IKZF3: variants seen among roughly 807,000 people sequenced by gnomAD.
IKZF3 encodes the protein IKAROS family zinc finger 3.
A neutral mutation model predicts 49.0 loss-of-function variants in IKZF3; 10 were observed. The ratio of observed to expected loss-of-function variants is 0.20; its 90% CI spans 0.13 to 0.35. The LOEUF is 0.35. Ranked by LOEUF, IKZF3 falls within the 10% of genes least tolerant of loss-of-function variation. The pLI, the probability that IKZF3 is intolerant of heterozygous loss-of-function variation, is 1.00. For synonymous variants in IKZF3, 209 were observed against 228.2 expected (o/e 0.92, Z 0.76); for missense variants, 498 against 664.8 (o/e 0.75, Z 2.76).
At chr17:39,839,100 G>A (rs2062389629) in intron 1 of IKZF3, among the ~76,000 whole-genome samples, 1 of 151,622 alleles carries the variant, frequency 6.6e-6, no homozygotes, top group African/African-American at 2.4e-5. Flanking sequence ...CAAAGAGCTG[G>A]GATTATAGGC....
rs2060167133 is a variant in IKZF3, at chr17:39,760,859, CTG to C, written c.*4929_*4930del. ...AAACATTTCTGTTTGCCAAAGAAAT[CTG>C]AGGTTGTGGCTGGGCGCAGTGGCTC... is the stretch of plus-strand genomic sequence containing the variant. On this transcript the variant is annotated 3_prime_UTR_variant, in exon 8 of 8. Coordinates refer to ENST00000346872, the MANE Select transcript of IKZF3 (RefSeq NM_012481.5). The C allele has an allele frequency of 6.6e-6, 1 of 152,220 alleles. No individual in the cohort carries two copies. The highest frequency in any genetic ancestry group is 1.5e-5 in the Non-Finnish European group (1 of 68,044). The allele number at this position is 152,220 out of a possible 1,614,324, so 9.4% of individuals were successfully genotyped here. A position where few individuals can be genotyped will look rare whatever the true frequency, so the allele number is the denominator to read the frequency against.
chr17:39,852,895 C>G (rs2062921307), intron 1 of IKZF3, among the ~76,000 whole-genome samples: 1 of 152,034 alleles, frequency 6.6e-6, no homozygotes, highest in Non-Finnish European at 1.5e-5. Context: ...CGCTTGAACC[C>G]CAGAGGCAGA....
chr17:39,857,861 T>C (rs1281522944), intron 1 of IKZF3, among the ~76,000 whole-genome samples: 1 of 151,708 alleles, frequency 6.6e-6, no homozygotes, highest in African/African-American at 2.4e-5. Context: ...TGGTGGCACA[T>C]GCCTCTAGTC....
In IKZF3 at chr17:39,766,001, T is replaced by C. The variant is rs2060279101; in HGVS notation, c.1319A>G (p.Lys440Arg). ...PPPICPRDSVKVINKEGEVMD... is the reference protein window; with the variant it reads ...PPPICPRDSVRVINKEGEVMD... ...CACCTCCCCTTCCTTGTTGATCACTTTGACGGAGTCTCTTGGGCAGATGGG... is the reference window on the plus strand; with the variant it reads ...CACCTCCCCTTCCTTGTTGATCACTCTGACGGAGTCTCTTGGGCAGATGGG... Residue 440 changes from lysine (K) to arginine (R), a missense_variant, in exon 8 of 8, where the codon AAA becomes AGA. This residue lies in a region of IKZF3 where 317 missense variants were observed against 397.3 expected (regional missense o/e 0.80). Coordinates refer to ENST00000346872, the MANE Select transcript of IKZF3 (RefSeq NM_012481.5). The C allele has an allele frequency of 1.2e-6, 2 of 1,614,122 alleles. No individual in the cohort carries two copies. The highest frequency in any genetic ancestry group is 2.7e-5 in the African/African-American group (2 of 74,944).
chr17:39,772,848 C>G (rs140760122), intron 7 of IKZF3, among the ~76,000 whole-genome samples: 168 of 152,184 alleles, frequency 1.1e-3, no homozygotes, highest in African/African-American at 3.9e-3. Flanking sequence ...GTTTTTGAAA[C>G]AGAGTCTTGC....
rs577269837 is a variant in IKZF3 at position 39,863,105 on chromosome 17, T to C, written c.7+1015A>G. Among the ~76,000 whole-genome samples, 8 of 152,304 alleles carry C rather than the reference T, an allele frequency of 5.3e-5. 1 individual carries two copies. In the South Asian group the frequency reaches 1.7e-3, roughly 32 times the overall value. ...CAACAGCCCAACTTTTTTTCCTTGT[T>C]ATTGGCCAATAAAACCTTTGTTAAA... is the stretch of plus-strand genomic sequence containing the variant. On this transcript the variant is annotated intron_variant, in intron 1 of 7. Coordinates refer to ENST00000346872, the MANE Select transcript of IKZF3 (RefSeq NM_012481.5).
intron 3 of IKZF3, among the ~76,000 whole-genome samples, chr17:39,806,240 T>C (rs77226138): frequency 7.2e-5 from 11 of 152,308 alleles, no homozygotes; most frequent in African/African-American, 2.4e-4. Flanking sequence ...AGGCGTAGCA[T>C]AGTAGCTGGC....
At chr17:39,819,603 G>C (rs112743130) in intron 3 of IKZF3, among the ~76,000 whole-genome samples, 3,644 of 152,246 alleles carry the variant, frequency 0.024, 61 homozygotes, top group Non-Finnish European at 0.037. Flanking sequence ...AATCTCAGAA[G>C]TTTTAGACAA....
At chr17:39,831,371 T>C (rs2062104256) in intron 2 of IKZF3, among the ~76,000 whole-genome samples, 1 of 150,372 alleles carries the variant, frequency 6.7e-6, no homozygotes, top group South Asian at 2.1e-4. Flanking sequence ...CGAAATTCCG[T>C]CTCAAAAAAA....
At chr17:39,863,748 A>G (rs2144621303) in intron 1 of IKZF3, among the ~76,000 whole-genome samples, 1 of 152,190 alleles carries the variant, frequency 6.6e-6, no homozygotes, top group African/African-American at 2.4e-5. Flanking sequence ...GATTAGTCTA[A>G]TTCCAATAAA....
At chr17:39,777,790 G>C (rs199922120) in intron 6 of IKZF3, 23 bp from the exon 7 acceptor site, 301 of 1,603,308 alleles carry the variant, frequency 1.9e-4, no homozygotes, top group Non-Finnish European at 2.3e-4. Flanking sequence ...AATGTAAAAA[G>C]AAGAGAGAAA....
intron 3 of IKZF3, among the ~76,000 whole-genome samples, chr17:39,815,557 C>T (rs769932021): frequency 2.6e-5 from 4 of 152,184 alleles, no homozygotes; most frequent in Non-Finnish European, 4.4e-5. Context: ...ATTGTTTTAA[C>T]TCTTGCTTTT....
intron 6 of IKZF3, among the ~76,000 whole-genome samples, chr17:39,787,462 C>A (rs1231401119): frequency 6.6e-6 from 1 of 152,156 alleles, no homozygotes; most frequent in African/African-American, 2.4e-5. Flanking sequence ...AAAGAAAATC[C>A]TTGTAGTTTT....
intron 3 of IKZF3, among the ~76,000 whole-genome samples, chr17:39,807,472 C>A (rs1327212046): frequency 1.3e-5 from 2 of 148,530 alleles, no homozygotes; most frequent in Non-Finnish European, 3.0e-5. Flanking sequence ...TCATGGCTCA[C>A]TAGGCAGCCT....
intron 1 of IKZF3, chr17:39,835,176 A>G: frequency 6.0e-6 from 3 of 501,420 alleles, no homozygotes; most frequent in South Asian, 3.0e-5. Context: ...GGTGGTCTTC[A>G]TATGGATACT....
intron 1 of IKZF3, among the ~76,000 whole-genome samples, chr17:39,846,942 G>A (rs1425045574): frequency 1.3e-5 from 2 of 151,844 alleles, no homozygotes; most frequent in Admixed American, 1.3e-4. Flanking sequence ...AGAGGTGCCT[G>A]GCAGCTGCCA....
At chr17:39,827,382 C>T (rs1046296327) in intron 3 of IKZF3, among the ~76,000 whole-genome samples, 3 of 152,124 alleles carry the variant, frequency 2.0e-5, no homozygotes, top group African/African-American at 7.2e-5. Flanking sequence ...CAGCCTCAAC[C>T]TCCCAGGCTC....
intron 3 of IKZF3, among the ~76,000 whole-genome samples, chr17:39,823,801 T>C (rs182199679): frequency 6.6e-6 from 1 of 152,374 alleles, no homozygotes; most frequent in East Asian, 1.9e-4. Context: ...TTTGGGAACC[T>C]CTGCTTAGAT....
intron 1 of IKZF3, among the ~76,000 whole-genome samples, chr17:39,840,699 TA>T (rs1440844781): frequency 1.3e-5 from 2 of 152,162 alleles, no homozygotes; most frequent in Non-Finnish European, 2.9e-5. Context: ...CAACAAAGCA[TA>T]AAGGCAGGGG....
Sources: gnomAD v4.1 joint callset for allele counts (sites outside exome capture counted in the v4.1 genomes callset) on GRCh38, gnomAD v4.1.1 for gene constraint, gnomAD v4.1.1 regional missense constraint, MANE v1.5 for transcripts, NCBI Gene and HGNC (gene_info 2026-07-23, HGNC 2026-07-21) for gene names.